DMD: variants seen among roughly 807,000 people sequenced by gnomAD.
DMD encodes mutant dystrophin.
Under a neutral mutation model 330.1 loss-of-function variants are expected in DMD, and 63 were observed. The observed-to-expected ratio is 0.19, with a 90% CI of 0.16 to 0.24. The LOEUF (loss-of-function observed/expected upper bound fraction) is 0.24, where lower values mean the gene tolerates loss of function less well. DMD is among the 10% of genes least tolerant of loss of function. DMD has a pLI of 1.00. For synonymous variants in DMD, 1,223 were observed against 959.8 expected (o/e 1.27, Z -5.07); for missense variants, 3,344 against 2,684.1 (o/e 1.25, Z -5.43).
At chrX:33,098,566 G>A (rs940336415) in intron 1 of DMD, among the ~76,000 whole-genome samples, 1 of 111,292 alleles carries the variant, frequency 9.0e-6, no homozygotes, top group African/African-American at 3.3e-5. Flanking sequence ...AAGGTGTGTG[G>A]AGGCTGTATC....
chrX:32,142,204 G>A (rs779350820), intron 44 of DMD, among the ~76,000 whole-genome samples: 11 of 111,394 alleles, frequency 9.9e-5, no homozygotes, highest in African/African-American at 3.6e-4. Context: ...CACGATTGCA[G>A]AGGAGGATGT....
chrX:31,193,823 G>A (rs191804194), intron 67 of DMD, among the ~76,000 whole-genome samples: 46 of 110,975 alleles, frequency 4.1e-4, no homozygotes, highest in African/African-American at 1.5e-3. Flanking sequence ...TAATCACAAG[G>A]AAACCATCAG....
intron 60 of DMD, 124 bp downstream of exon 60, chrX:31,444,357 A>G (rs1292696134): frequency 1.3e-6 from 1 of 795,150 alleles, no homozygotes; most frequent in African/African-American, 2.1e-5. Context: ...AATATAAAAT[A>G]TCCTATCCTC....
intron 7 of DMD, among the ~76,000 whole-genome samples, chrX:32,721,155 G>A (rs754274523): frequency 2.0e-4 from 22 of 110,486 alleles, no homozygotes; most frequent in African/African-American, 6.6e-4. Flanking sequence ...GAATCATAAC[G>A]CAATGAACAT....
intron 7 of DMD, among the ~76,000 whole-genome samples, chrX:32,734,094 C>A (rs1263170589): frequency 1.9e-5 from 2 of 106,753 alleles, no homozygotes; most frequent in African/African-American, 3.5e-5. Context: ...CACCACTGAT[C>A]CCACAGAAAT....
At chrX:31,700,876 G>C (rs1196254485) in intron 52 of DMD, among the ~76,000 whole-genome samples, 1 of 111,911 alleles carries the variant, frequency 8.9e-6, no homozygotes, top group Non-Finnish European at 1.9e-5. Flanking sequence ...ACAAGTCACA[G>C]AAAAGAAACT....
chrX:31,433,369 G>A (rs1284209346), intron 60 of DMD, among the ~76,000 whole-genome samples: 1 of 111,383 alleles, frequency 9.0e-6, no homozygotes, highest in Admixed American at 9.6e-5. Flanking sequence ...ATGAGCGCAC[G>A]TCTTTTTGGT....
intron 44 of DMD, among the ~76,000 whole-genome samples, chrX:32,162,465 A>C (rs760925538): frequency 9.0e-6 from 1 of 111,425 alleles, no homozygotes; most frequent in East Asian, 2.8e-4. Context: ...AGAGATTTTC[A>C]GAGACATGCC....
At chrX:32,707,427 C>T (rs1041009951) in intron 7 of DMD, among the ~76,000 whole-genome samples, 37 of 111,685 alleles carry the variant, frequency 3.3e-4, no homozygotes, top group African/African-American at 1.1e-3. Context: ...CTGAGAGTGC[C>T]TCAGAGCAAA....
intron 61 of DMD, among the ~76,000 whole-genome samples, chrX:31,334,092 C>G: frequency 8.9e-6 from 1 of 111,958 alleles, no homozygotes; most frequent in Non-Finnish European, 1.9e-5. Flanking sequence ...GTCACCATGC[C>G]CAGCTAACTT....
chrX:32,350,213 C>A, intron 37 of DMD, among the ~76,000 whole-genome samples: 1 of 111,027 alleles, frequency 9.0e-6, no homozygotes, highest in East Asian at 2.8e-4. Context: ...GCTCATCTCT[C>A]CATGAATTTA....
chrX:32,672,333 C>T (rs779198673), intron 9 of DMD, among the ~76,000 whole-genome samples: 1 of 110,720 alleles, frequency 9.0e-6, no homozygotes, highest in Non-Finnish European at 1.9e-5. Context: ...AAAAATAGAG[C>T]ATATTTTCTG....
At chrX:31,242,089 C>G (rs1307429796) in intron 63 of DMD, among the ~76,000 whole-genome samples, 2 of 108,012 alleles carry the variant, frequency 1.9e-5, no homozygotes, top group East Asian at 2.9e-4. Context: ...AACCCTGTCT[C>G]TACCAAAAAT....
At chrX:31,761,374 C>T (rs1272290014) in intron 51 of DMD, among the ~76,000 whole-genome samples, 1 of 109,359 alleles carries the variant, frequency 9.1e-6, no homozygotes, top group Non-Finnish European at 1.9e-5. Context: ...GGGTTTGTGA[C>T]AAAAGATAGG....
chrX:31,289,252 A>G (rs992301817), intron 62 of DMD, among the ~76,000 whole-genome samples: 18 of 78,676 alleles, frequency 2.3e-4, no homozygotes, highest in Non-Finnish European at 1.2e-4. Context: ...GTGACAGAGC[A>G]AAAAAAAAAA....
At chrX:31,476,428 C>A (rs1354129894) in intron 59 of DMD, among the ~76,000 whole-genome samples, 2 of 101,345 alleles carry the variant, frequency 2.0e-5, no homozygotes, top group Non-Finnish European at 4.0e-5. Context: ...TATACACACA[C>A]ACACACACAT....
chrX:31,566,656 AAACT>A (rs1329886312), intron 55 of DMD, among the ~76,000 whole-genome samples: 2 of 111,674 alleles, frequency 1.8e-5, no homozygotes, highest in Admixed American at 1.9e-4. Flanking sequence ...ATTTTGATAG[AAACT>A]AAATTAAACC....
rs764410666 is a variant in DMD at position 31,536,117 on chromosome X, C to T, written c.8218-28664G>A. Reference sequence around the variant, plus strand: ...CTGGGAGTTAAAATCTCAAGATAGGCTCTTCTTGGCCTATAATATCTATTT... The same window carrying T: ...CTGGGAGTTAAAATCTCAAGATAGGTTCTTCTTGGCCTATAATATCTATTT... On this transcript the variant is annotated intron_variant, in intron 55 of 78. Coordinates refer to ENST00000357033, the MANE Select transcript of DMD (RefSeq NM_004006.3). Among the ~76,000 whole-genome samples, 6 of 111,813 alleles carry T rather than the reference C, an allele frequency of 5.4e-5. No individual in the cohort carries two copies. The South Asian group carries it at 2.2e-3, about 42-fold the overall frequency.
chrX:31,161,177 G>A (rs1171606875), intron 74 of DMD, among the ~76,000 whole-genome samples: 1 of 109,385 alleles, frequency 9.1e-6, no homozygotes, highest in Non-Finnish European at 1.9e-5. Flanking sequence ...GGAAAACAAT[G>A]ATGTTTCTTT....
Sources: allele counts gnomAD v4.1 joint callset (sites outside exome capture counted in the v4.1 genomes callset), GRCh38; gene constraint gnomAD v4.1.1; transcripts MANE v1.5; gene names NCBI Gene and HGNC (gene_info 2026-07-23, HGNC 2026-07-21).